Variants in LARGE1 observed in about 807,000 individuals in gnomAD.
The protein encoded by LARGE1 is LARGE xylosyl- and glucuronyltransferase 1, also known as xylosyl- and glucuronyltransferase LARGE1.
In LARGE1, 43 loss-of-function variants were observed where a neutral mutation model predicts 87.6. The observed-to-expected ratio is 0.49, with a 90% CI of 0.38 to 0.63. LARGE1 has a LOEUF of 0.63. Among genes scored for constraint, LARGE1 ranks in the 30% least tolerant of loss-of-function variants. LARGE1 has a pLI of 0.00. For synonymous variants in LARGE1, 434 were observed against 394.6 expected (o/e 1.10, Z -1.18); for missense variants, 802 against 1,000.2 (o/e 0.80, Z 2.67).
chr22:33,456,788 C>A (rs1429540623), intron 6 of LARGE1, among the ~76,000 whole-genome samples: 1 of 152,200 alleles, frequency 6.6e-6, no homozygotes, highest in African/African-American at 2.4e-5. Flanking sequence ...TAGAACTCAA[C>A]ATGCGGTCCA....
At chr22:33,278,522 G>A (rs1018449511) in intron 13 of LARGE1, among the ~76,000 whole-genome samples, 1 of 151,596 alleles carries the variant, frequency 6.6e-6, no homozygotes, top group Non-Finnish European at 1.5e-5. Context: ...ACCACTTACT[G>A]TGTACTGGGA....
intron 5 of LARGE1, among the ~76,000 whole-genome samples, chr22:33,579,359 C>T (rs978020761): frequency 3.9e-5 from 6 of 152,192 alleles, no homozygotes; most frequent in Non-Finnish European, 5.9e-5. Flanking sequence ...CCCAGCCACG[C>T]GGAATTTTAA....
At chr22:33,733,618 A>G (rs1221882401) in intron 2 of LARGE1, 1 of 151,390 alleles carries the variant, frequency 6.6e-6, no homozygotes, top group African/African-American at 2.4e-5. Context: ...TCAAGAGACT[A>G]ATTTTTTACC....
At chr22:33,520,997 A>T (rs976178190) in intron 6 of LARGE1, among the ~76,000 whole-genome samples, 2 of 152,210 alleles carry the variant, frequency 1.3e-5, no homozygotes, top group African/African-American at 4.8e-5. Context: ...CCTTGAGGCC[A>T]GGGCACTGAT....
intron 2 of LARGE1, among the ~76,000 whole-genome samples, chr22:33,668,641 C>T (rs2081328318): frequency 6.6e-6 from 1 of 152,176 alleles, no homozygotes; most frequent in Non-Finnish European, 1.5e-5. Flanking sequence ...ATTGATCACT[C>T]ATGTCCATTG....
At chr22:33,714,024 AAC>A (rs1482095056) in intron 2 of LARGE1, among the ~76,000 whole-genome samples, 117 of 151,984 alleles carry the variant, frequency 7.7e-4, no homozygotes, top group African/African-American at 1.1e-3. Context: ...AACATAACAT[AAC>A]ATAACATAAA....
chr22:33,070,830 G>A, the LARGE1 span, among the ~76,000 whole-genome samples: 1 of 152,300 alleles, frequency 6.6e-6, no homozygotes, highest in African/African-American at 2.4e-5. Context: ...TGTGCCGGAA[G>A]GGTGAACAGC....
At chr22:33,124,062 G>A in the LARGE1 span, among the ~76,000 whole-genome samples, 37 of 152,274 alleles carry the variant, frequency 2.4e-4, no homozygotes, top group African/African-American at 7.7e-4. Context: ...ATAAGGGGGC[G>A]GATCACTTGA....
intron 6 of LARGE1, among the ~76,000 whole-genome samples, chr22:33,501,733 T>C (rs998552645): frequency 5.9e-5 from 9 of 152,108 alleles, no homozygotes; most frequent in Non-Finnish European, 1.3e-4. Context: ...CACCCAGGCA[T>C]GATGTGGGTG....
At position 33,601,683 on chromosome 22, in the gene LARGE1, G is replaced by A. The variant is rs76412836; in HGVS notation, c.615+2752C>T. ...GAGAGAGACAGGTGGTTAATTGGTA[G>A]GGGAATAAAAAGCAGGTGTCAGGAA... On this transcript the variant is annotated intron_variant, in intron 5 of 14. Coordinates refer to ENST00000397394, the MANE Select transcript of LARGE1 (RefSeq NM_133642.5). Among the ~76,000 whole-genome samples, 771 of 152,290 alleles carry A rather than the reference G, an allele frequency of 5.1e-3. 10 individuals are homozygous for A. Among genetic ancestry groups the A allele is most frequent in the African/African-American group, 0.018 (734 of 41,558 alleles).
the LARGE1 span, among the ~76,000 whole-genome samples, chr22:33,134,552 C>T: frequency 5.3e-5 from 8 of 152,150 alleles, no homozygotes; most frequent in South Asian, 2.1e-4. Context: ...CCACAGCGCC[C>T]GGCCAAGAAC....
At position 33,786,389 on chromosome 22, in the gene LARGE1, T is replaced by A. The variant is rs186677121; in HGVS notation, c.-82-24831A>T. Among the ~76,000 whole-genome samples, 7 of 152,308 alleles carry A rather than the reference T, an allele frequency of 4.6e-5. No individual in the cohort carries two copies. In the East Asian group the frequency reaches 1.4e-3, roughly 29 times the overall value. ...TGCTACTCCCAAAAGGCACTTCTCTTTTGAGGAATTAATTAGATTTGGTCC... is the reference window on the plus strand; with the variant it reads ...TGCTACTCCCAAAAGGCACTTCTCTATTGAGGAATTAATTAGATTTGGTCC... On this transcript the variant is annotated intron_variant, in intron 1 of 14. Transcript: ENST00000397394.
Position 33,483,970 on chromosome 22 carries a change from G to A in LARGE1, c.788-51705C>T, listed in dbSNP as rs187480914. On this transcript the variant is annotated intron_variant, in intron 6 of 14. Coordinates refer to ENST00000397394, the MANE Select transcript of LARGE1 (RefSeq NM_133642.5). ...AGATGCGTGACCTTGACGGCCGGAAGTTTAGACTTTCTGGGAATCCTTGAG... is the reference window on the plus strand; with the variant it reads ...AGATGCGTGACCTTGACGGCCGGAAATTTAGACTTTCTGGGAATCCTTGAG... Among the ~76,000 whole-genome samples, 8 of 152,288 alleles carry A rather than the reference G, an allele frequency of 5.3e-5. No individual in the cohort carries two copies. In the East Asian group the frequency reaches 9.7e-4, roughly 18 times the overall value.
At chr22:33,195,794 G>GC (rs1568968818) in intron 11 of LARGE1, among the ~76,000 whole-genome samples, 1 of 135,220 alleles carries the variant, frequency 7.4e-6, no homozygotes, top group East Asian at 2.1e-4. Flanking sequence ...TTGCTCTGTC[G>GC]CCCAGGCTGG....
At chr22:33,797,618 C>T (rs918364638) in intron 1 of LARGE1, among the ~76,000 whole-genome samples, 5 of 152,180 alleles carry the variant, frequency 3.3e-5, no homozygotes, top group Non-Finnish European at 5.9e-5. Flanking sequence ...ACAGCCCTGA[C>T]CAATCTCCCC....
intron 9 of LARGE1, among the ~76,000 whole-genome samples, chr22:33,356,505 C>T (rs1000826406): frequency 2.6e-5 from 4 of 152,214 alleles, no homozygotes; most frequent in Admixed American, 2.6e-4. Flanking sequence ...GGCGTGGTGG[C>T]TCATGCCTGT....
intron 9 of LARGE1, among the ~76,000 whole-genome samples, chr22:33,376,611 C>T (rs944258417): frequency 6.6e-6 from 1 of 152,150 alleles, no homozygotes; most frequent in Non-Finnish European, 1.5e-5. Flanking sequence ...ACAAAGCCTA[C>T]CTTTTTCACT....
intron 1 of LARGE1, among the ~76,000 whole-genome samples, chr22:33,785,363 C>T (rs151090384): frequency 1.3e-5 from 2 of 152,110 alleles, no homozygotes; most frequent in Non-Finnish European, 2.9e-5. Flanking sequence ...CTGAAGTATT[C>T]AGATGTTACA....
intron 3 of LARGE1, among the ~76,000 whole-genome samples, chr22:33,640,783 C>T (rs1185929000): frequency 3.3e-5 from 5 of 152,164 alleles, no homozygotes; most frequent in African/African-American, 1.2e-4. Flanking sequence ...CCTGAGTATG[C>T]GGTTTTCCCC....
Sources: gnomAD v4.1 joint callset for allele counts (sites outside exome capture counted in the v4.1 genomes callset) on GRCh38, gnomAD v4.1.1 for gene constraint, MANE v1.5 for transcripts, NCBI Gene and HGNC (gene_info 2026-07-23, HGNC 2026-07-21) for gene names.